Variants in OCA2 observed in about 807,000 individuals in gnomAD.
OCA2 encodes the protein OCA2 melanosomal transmembrane protein.
OCA2 carries 77 observed loss-of-function variants against 100.2 expected under a neutral mutation model. The ratio of observed to expected loss-of-function variants is 0.77; its 90% CI spans 0.64 to 0.93. The LOEUF (loss-of-function observed/expected upper bound fraction) is 0.93, where lower values mean the gene tolerates loss of function less well. Ranked by LOEUF, OCA2 falls within the 40% of genes least tolerant of loss-of-function variation. The probability of loss-of-function intolerance (pLI) is 0.00; values close to 1 mark genes in which losing one functional copy is unlikely to be tolerated. For synonymous variants in OCA2, 432 were observed against 439.2 expected (o/e 0.98, Z 0.21); for missense variants, 1,062 against 1,089.1 (o/e 0.98, Z 0.35).
chr15:27,939,512 C>T (rs1409212479), intron 18 of OCA2, among the ~76,000 whole-genome samples: 1 of 152,166 alleles, frequency 6.6e-6, no homozygotes, highest in Non-Finnish European at 1.5e-5. Context: ...TTACTGATGA[C>T]TTACGAGGTT....
intron 18 of OCA2, among the ~76,000 whole-genome samples, chr15:27,926,856 C>T (rs2442126): frequency 0.051 from 7,786 of 152,176 alleles, 683 homozygotes; most frequent in African/African-American, 0.18. Context: ...TCAAGTGATC[C>T]GCCCACCTCA....
At chr15:27,953,875 A>T (rs994926756) in intron 17 of OCA2, among the ~76,000 whole-genome samples, 3 of 152,050 alleles carry the variant, frequency 2.0e-5, no homozygotes, top group African/African-American at 7.2e-5. Context: ...CAGTGTACAC[A>T]GTACCCAATG....
At chr15:27,936,278 A>G (rs2197798) in intron 18 of OCA2, among the ~76,000 whole-genome samples, 73,596 of 152,056 alleles carry the variant, frequency 0.48, 21,587 homozygotes, top group East Asian at 0.8. Context: ...AGGACAGGGC[A>G]CATGGGATGA....
At position 27,990,082 on chromosome 15, in the gene OCA2, C is replaced by T. The variant is rs189831805; in HGVS notation, c.1117-416G>A. On this transcript the variant is annotated intron_variant, in intron 10 of 23. Coordinates refer to ENST00000354638, the MANE Select transcript of OCA2 (RefSeq NM_000275.3). ...ACTCTGGGCCTCCATCCCCAGTGGC[C>T]ACTGGTCTCTGTTGTTTCCCTACAT... Among the ~76,000 whole-genome samples the T allele has an allele frequency of 5.5e-4, 83 of 152,220 alleles. 2 individuals carry two copies. In the East Asian group the frequency reaches 0.014, roughly 26 times the overall value.
chr15:28,051,411 G>C (rs1217525200), intron 2 of OCA2, among the ~76,000 whole-genome samples: 1 of 152,002 alleles, frequency 6.6e-6, no homozygotes, highest in East Asian at 1.9e-4. Flanking sequence ...TCCTGCCTCA[G>C]CTTCCCGAGT....
At chr15:27,962,174 G>C (rs2040431087) in intron 15 of OCA2, among the ~76,000 whole-genome samples, 1 of 152,084 alleles carries the variant, frequency 6.6e-6, no homozygotes, top group African/African-American at 2.4e-5. Context: ...ATATCCAGTA[G>C]TTCCCCGTGG....
chr15:27,719,176 C>T, the OCA2 span, among the ~76,000 whole-genome samples: 11 of 152,206 alleles, frequency 7.2e-5, no homozygotes, highest in South Asian at 6.2e-4. Context: ...GAGTTCAAGT[C>T]TGAGATCTTG....
At chr15:27,818,983 A>G (rs2151260097) in intron 23 of OCA2, among the ~76,000 whole-genome samples, 1 of 152,326 alleles carries the variant, frequency 6.6e-6, no homozygotes, top group South Asian at 2.1e-4. Context: ...GGCCTGGGGA[A>G]CAAAGTCCTG....
intron 23 of OCA2, among the ~76,000 whole-genome samples, chr15:27,838,239 C>T (rs1295829277): frequency 6.6e-6 from 1 of 152,040 alleles, no homozygotes; most frequent in African/African-American, 2.4e-5. Flanking sequence ...CAGAAAACGA[C>T]AAAACCATGA....
chr15:27,828,919 G>A (rs574390304), intron 23 of OCA2, among the ~76,000 whole-genome samples: 9 of 152,256 alleles, frequency 5.9e-5, no homozygotes, highest in African/African-American at 1.4e-4. Flanking sequence ...TAGAAGAGCC[G>A]CTGAGACAGA....
At chr15:27,932,076 T>C (rs1023888207) in intron 18 of OCA2, among the ~76,000 whole-genome samples, 1 of 152,198 alleles carries the variant, frequency 6.6e-6, no homozygotes, top group African/African-American at 2.4e-5. Context: ...TAAATAACGT[T>C]ATACTTAATG....
chr15:28,025,710 A>C (rs2042729146), intron 4 of OCA2, among the ~76,000 whole-genome samples: 1 of 152,168 alleles, frequency 6.6e-6, no homozygotes, highest in Non-Finnish European at 1.5e-5. Flanking sequence ...GTGCTCTCCC[A>C]CCGGCTGCTC....
intron 11 of OCA2, 118 bp from the exon 12 acceptor site, chr15:27,986,761 G>A (rs2041368281): frequency 1.3e-6 from 1 of 769,578 alleles, no homozygotes; most frequent in African/African-American, 1.7e-5. Context: ...ACATCACCAA[G>A]CTCCTCACTC....
At chr15:27,984,606 G>A (rs182591690) in intron 13 of OCA2, among the ~76,000 whole-genome samples, 246 of 152,286 alleles carry the variant, frequency 1.6e-3, no homozygotes, top group South Asian at 3.9e-3. Flanking sequence ...TGTTGCCCAG[G>A]CTGGAGTGTG....
intron 23 of OCA2, among the ~76,000 whole-genome samples, chr15:27,826,746 C>T (rs1012368074): frequency 2.0e-5 from 3 of 152,194 alleles, no homozygotes; most frequent in Non-Finnish European, 2.9e-5. Context: ...TCCAGATGAA[C>T]CCCAGCGGCC....
chr15:27,720,034 T>C, the OCA2 span, among the ~76,000 whole-genome samples: 1 of 152,206 alleles, frequency 6.6e-6, no homozygotes, highest in African/African-American at 2.4e-5. Context: ...TTAAACTCTC[T>C]GAGGATCCCA....
intron 23 of OCA2, among the ~76,000 whole-genome samples, chr15:27,763,860 G>C (rs2031038637): frequency 6.6e-6 from 1 of 152,168 alleles, no homozygotes; most frequent in Admixed American, 6.5e-5. Flanking sequence ...TTTCAGACAG[G>C]GTGTGAGGCA....
At chr15:27,984,883 T>A (rs1223059231) in intron 13 of OCA2, among the ~76,000 whole-genome samples, 181 bp downstream of exon 13, 2 of 152,170 alleles carry the variant, frequency 1.3e-5, no homozygotes, top group African/African-American at 4.8e-5. Flanking sequence ...CCACTGCTTG[T>A]AGCATGTACT....
intron 19 of OCA2, among the ~76,000 whole-genome samples, chr15:27,922,815 T>G (rs957765045): frequency 6.6e-6 from 1 of 152,002 alleles, no homozygotes; most frequent in African/African-American, 2.4e-5. Flanking sequence ...CAAAGGACAA[T>G]TTTTTTAACT....
Sources: gnomAD v4.1 joint callset for allele counts (sites outside exome capture counted in the v4.1 genomes callset) on GRCh38, gnomAD v4.1.1 for gene constraint, MANE v1.5 for transcripts, NCBI Gene and HGNC (gene_info 2026-07-23, HGNC 2026-07-21) for gene names.